Variants in EMC1 observed in about 807,000 individuals in gnomAD.
EMC1 encodes ER membrane protein complex subunit 1, also known as KIAA0090.
A neutral mutation model predicts 128.8 loss-of-function variants in EMC1; 103 were observed. The ratio of observed to expected loss-of-function variants is 0.80; its 90% CI spans 0.68 to 0.94. EMC1 has a LOEUF of 0.94. EMC1 is among the 40% of genes least tolerant of loss of function. The pLI, the probability that EMC1 is intolerant of heterozygous loss-of-function variation, is 0.00. For synonymous variants in EMC1, 442 were observed against 490.4 expected (o/e 0.90, Z 1.30); for missense variants, 1,083 against 1,250.6 (o/e 0.87, Z 2.02).
Position 19,223,502 on chromosome 1 carries a change from A to G in EMC1, c.2270T>C (p.Ile757Thr). The G allele has an allele frequency of 1.2e-6, 2 of 1,614,192 alleles. No individual in the cohort carries two copies. The highest frequency in any genetic ancestry group is 1.7e-6 in the Non-Finnish European group (2 of 1,180,034). Residue 757 changes from isoleucine to threonine, a missense_variant, in exon 19 of 23, where the codon ATT (isoleucine) becomes ACT (threonine). By Grantham distance (89) the Ile-to-Thr change is moderately conservative. Coordinates refer to ENST00000477853, the MANE Select transcript of EMC1 (RefSeq NM_015047.3). ...STDAHHERTF[I>T]GIFLIDGVTG... ...GACGCCATCAATGAGGAAGATGCCA[A>G]TAAAGGTGCGCTCATGGTGCGCGTC... is the stretch of plus-strand genomic sequence containing the variant.
chr1:19,238,767 T>G (rs2093585067), intron 10 of EMC1, 28 bp downstream of exon 10: 12 of 1,544,526 alleles, frequency 7.8e-6, no homozygotes, highest in Non-Finnish European at 1.1e-5. Flanking sequence ...TCTCTAGGTC[T>G]GGCATACTGC....
At chr1:19,230,818 G>C (rs760599310) in intron 17 of EMC1, 26 bp downstream of exon 17, 3 of 1,613,632 alleles carry the variant, frequency 1.9e-6, no homozygotes, top group South Asian at 1.1e-5. Context: ...ATCCACAAAG[G>C]GTTGTGCCAG....
At chr1:19,224,666 C>T (rs1173840169) in intron 18 of EMC1, among the ~76,000 whole-genome samples, 2 of 152,186 alleles carry the variant, frequency 1.3e-5, no homozygotes, top group African/African-American at 4.8e-5. Context: ...CACCCCTCTA[C>T]AGTCTAATCT....
chr1:19,241,540 C>T (rs962717078), intron 5 of EMC1, among the ~76,000 whole-genome samples: 1 of 151,942 alleles, frequency 6.6e-6, no homozygotes, highest in African/African-American at 2.4e-5. Context: ...TTTTAGACAG[C>T]GTCTCACTCT....
rs1386294173 is a variant in EMC1 at position 19,240,315 on chromosome 1, C to T, written c.768G>A (p.Leu256=). Residue 256 remains leucine, a synonymous_variant, in exon 7 of 23, where the codon TTG becomes TTA. Transcript: ENST00000477853. The part of the protein sequence containing the change: ...QTLALETEWE[L]RQIPLQSLDL... ...CTCTCACCTGCAGTGGGATCTGTCTCAACTCCCATTCCGTCTCCAGAGCCA... is the reference window on the plus strand; with the variant it reads ...CTCTCACCTGCAGTGGGATCTGTCTTAACTCCCATTCCGTCTCCAGAGCCA... 1 of 1,614,076 alleles carries T rather than the reference C, an allele frequency of 6.2e-7. No homozygotes were observed. The highest frequency in any genetic ancestry group is 1.3e-5 in the African/African-American group (1 of 74,918).
rs181723086 is a variant in EMC1 at position 19,240,141 on chromosome 1, G to C, written c.786+156C>G. On this transcript the variant is annotated intron_variant, in intron 7 of 22. Coordinates refer to ENST00000477853, the MANE Select transcript of EMC1 (RefSeq NM_015047.3). ...GTTCAAGTTCCCCAAAGAGGAAAGT[G>C]ACTGATTTCCTCTTACACCAGTTCA... is the stretch of plus-strand genomic sequence containing the variant. 312 of 1,188,908 alleles carry C rather than the reference G, an allele frequency of 2.6e-4. 1 individual carries two copies. In the African/African-American group the frequency reaches 3.9e-3, roughly 15 times the overall value. 73.6% of individuals were successfully genotyped at this position (1,188,908 alleles called of 1,614,324 possible). A position where few individuals can be genotyped will look rare whatever the true frequency, so the allele number is the denominator to read the frequency against.
At chr1:19,240,252 C>T (rs757473151) in intron 7 of EMC1, 45 bp downstream of exon 7, 7 of 1,611,190 alleles carry the variant, frequency 4.3e-6, no homozygotes, top group Admixed American at 1.7e-5. Flanking sequence ...TTCTACTCCC[C>T]GCAGGAAATG....
chr1:19,242,245 A>C, intron 5 of EMC1, 100 bp downstream of exon 5: 1 of 1,278,868 alleles, frequency 7.8e-7, no homozygotes, highest in Non-Finnish European at 1.1e-6. Context: ...AACAAGAGAC[A>C]GGCCTGGGTT....
At chr1:19,230,698 C>T (rs371682657) in intron 17 of EMC1, 146 bp downstream of exon 17, 3 of 1,134,630 alleles carry the variant, frequency 2.6e-6, no homozygotes, top group Non-Finnish European at 3.8e-6. Context: ...CAAATATGAA[C>T]AAATGATTGA....
chr1:19,230,478 G>A (rs1229205753), intron 17 of EMC1, among the ~76,000 whole-genome samples: 2 of 152,166 alleles, frequency 1.3e-5, no homozygotes, highest in Non-Finnish European at 2.9e-5. Context: ...TCTGAGGCAG[G>A]AGAATCGCTT....
rs1028183699 is a variant in EMC1 at position 19,243,537 on chromosome 1, A to G, written c.380+77T>C. 9 of 1,333,274 alleles carry G rather than the reference A, an allele frequency of 6.8e-6. No individual in the cohort carries two copies. In the African/African-American group the frequency reaches 1.3e-4, roughly 19 times the overall value. The allele number at this position is 1,333,274 out of a possible 1,614,324, so 82.6% of individuals were successfully genotyped here. On this transcript the variant is annotated intron_variant, in intron 4 of 22. Transcript: ENST00000477853. Reference sequence around the variant, plus strand: ...GTCCCTGGGAAAAAGCCAAAAGCCCAGAGTTGCTGTCTATGCAGATCTGTG... The same window carrying G: ...GTCCCTGGGAAAAAGCCAAAAGCCCGGAGTTGCTGTCTATGCAGATCTGTG...
chr1:19,220,952 A>C, intron 20 of EMC1, 104 bp from the exon 21 acceptor site: 1 of 788,548 alleles, frequency 1.3e-6, no homozygotes, highest in Non-Finnish European at 2.0e-6. Flanking sequence ...TAAAACAAAA[A>C]AATGGGTCAA....
At chr1:19,246,573 C>T (rs1438162970) in intron 1 of EMC1, among the ~76,000 whole-genome samples, 2 of 151,602 alleles carry the variant, frequency 1.3e-5, no homozygotes, top group East Asian at 2.0e-4. Context: ...ACTTGAGGTC[C>T]GGAGTTTGAG....
rs189784310 is a variant in EMC1, at chr1:19,244,740, A to G, written c.220+166T>C. The G allele has an allele frequency of 3.2e-5, 22 of 695,264 alleles. No individual in the cohort carries two copies. In the African/African-American group the frequency reaches 3.8e-4, roughly 12 times the overall value. The allele number at this position is 695,264 out of a possible 1,614,324, so 43.1% of individuals were successfully genotyped here. A position where few individuals can be genotyped will look rare whatever the true frequency, so the allele number is the denominator to read the frequency against. On this transcript the variant is annotated intron_variant, in intron 2 of 22. Transcript: ENST00000477853. Reference sequence around the variant, plus strand: ...CAAAGGTCAGTTATAGGAACATACAAATATTCAAAGATGGTAAGACTGAAA... The same window carrying G: ...CAAAGGTCAGTTATAGGAACATACAGATATTCAAAGATGGTAAGACTGAAA...
At chr1:19,232,850 C>A in intron 14 of EMC1, 77 bp from the exon 15 acceptor site, 2 of 1,601,324 alleles carry the variant, frequency 1.2e-6, no homozygotes. Flanking sequence ...AAAACTAGAA[C>A]CAGTGTTATC....
intron 18 of EMC1, 76 bp from the exon 19 acceptor site, chr1:19,223,645 C>G: frequency 7.3e-7 from 1 of 1,371,754 alleles, no homozygotes; most frequent in South Asian, 1.3e-5. Context: ...GTGAGACCAA[C>G]CTGGAGCTCT....
At chr1:19,245,957 C>A (rs1180634462) in intron 1 of EMC1, among the ~76,000 whole-genome samples, 1 of 151,974 alleles carries the variant, frequency 6.6e-6, no homozygotes, top group African/African-American at 2.4e-5. Context: ...CAGCACAGAG[C>A]AAGCACCTCC....
Position 19,220,866 on chromosome 1 carries a change from A to G in EMC1, c.2588-18T>C, listed in dbSNP as rs1558089989. 6.3e-7 allele frequency: 1 copy of G among 1,575,726 alleles called. No homozygotes were observed. The highest frequency in any genetic ancestry group is 1.7e-5 in the Admixed American group (1 of 59,276). ...TAGTCCAACTACACAGGAGGAAGTG[A>G]ATGTTCACACCGATCCAGTGTCCAG... On this transcript the variant is annotated intron_variant, in intron 20 of 22. Coordinates refer to ENST00000477853, the MANE Select transcript of EMC1 (RefSeq NM_015047.3).
intron 5 of EMC1, among the ~76,000 whole-genome samples, chr1:19,241,967 C>T (rs186635522): frequency 6.6e-6 from 1 of 152,300 alleles, no homozygotes; most frequent in African/African-American, 2.4e-5. Context: ...TCAGCCTACC[C>T]TGGGTCTTCT....
Sources: allele counts gnomAD v4.1 joint callset (sites outside exome capture counted in the v4.1 genomes callset), GRCh38; gene constraint gnomAD v4.1.1; transcripts MANE v1.5; gene names NCBI Gene and HGNC (gene_info 2026-07-23, HGNC 2026-07-21).